The following AATF variants were observed in gnomAD, a reference collection of about 807,000 sequenced individuals.
The protein encoded by AATF is apoptosis antagonizing transcription factor.
A neutral mutation model predicts 63.7 loss-of-function variants in AATF; 48 were observed. The ratio of observed to expected loss-of-function variants is 0.75; its 90% CI spans 0.60 to 0.96. The LOEUF (loss-of-function observed/expected upper bound fraction) is 0.96. Among genes scored for constraint, AATF ranks in the 40% least tolerant of loss-of-function variants. AATF has a pLI of 0.00. For synonymous variants in AATF, 258 were observed against 247.7 expected, an observed-to-expected ratio of 1.04 and a Z score of -0.39; for missense variants, 639 against 685.7, an observed-to-expected ratio of 0.93 and a Z score of 0.76.
At chr17:36,991,248 T>C (rs1459843021) in intron 8 of AATF, among the ~76,000 whole-genome samples, 2 of 152,184 alleles carry the variant, frequency 1.3e-5, no homozygotes, top group East Asian at 3.9e-4. Context: ...ATCCCAGAGT[T>C]CCTGAATTGC....
At chr17:37,044,513 A>G (rs2071672441) in intron 11 of AATF, among the ~76,000 whole-genome samples, 1 of 151,954 alleles carries the variant, frequency 6.6e-6, no homozygotes, top group South Asian at 2.1e-4. Flanking sequence ...AAGACCCTAA[A>G]CTTTGTATAC....
At chr17:37,014,543 A>T (rs993245432) in intron 8 of AATF, among the ~76,000 whole-genome samples, 1 of 152,112 alleles carries the variant, frequency 6.6e-6, no homozygotes, top group African/African-American at 2.4e-5. Flanking sequence ...GGGACATATG[A>T]TCACCTCTTT....
chr17:37,022,272 C>G (rs1461959489), intron 10 of AATF, among the ~76,000 whole-genome samples: 1 of 152,106 alleles, frequency 6.6e-6, no homozygotes, highest in East Asian at 1.9e-4. Context: ...AAACCCACAT[C>G]CTTATTAGAA....
intron 11 of AATF, among the ~76,000 whole-genome samples, chr17:37,048,440 G>A (rs972556096): frequency 7.0e-6 from 1 of 142,884 alleles, no homozygotes; most frequent in South Asian, 2.2e-4. Context: ...GCACAATCTC[G>A]GCTCACTGCA....
intron 11 of AATF, among the ~76,000 whole-genome samples, chr17:37,042,396 C>A (rs1436191919): frequency 6.6e-6 from 1 of 150,904 alleles, no homozygotes; most frequent in Non-Finnish European, 1.5e-5. Flanking sequence ...TTTTTTGAGT[C>A]CAGGTCTTTT....
At chr17:36,998,735 A>G (rs1322790101) in intron 8 of AATF, 1 of 152,192 alleles carries the variant, frequency 6.6e-6, no homozygotes, top group Non-Finnish European at 1.5e-5. Flanking sequence ...GAACAACAAC[A>G]AAAACATTTA....
rs71159679 is a variant in AATF, at chr17:37,022,113, CGTGTGTGTGTGTGTGT to C, written c.1547+1123_1547+1138del. ...CTATACTTTTAGACTTGGTAACTGC[CGTGTGTGTGTGTGTGT>C]GTGTGTGTGTGTGTGTGTGTGTGAG... On this transcript the variant is annotated intron_variant, in intron 10 of 11. Coordinates refer to ENST00000619387, the MANE Select transcript of AATF (RefSeq NM_012138.4). Among the ~76,000 whole-genome samples the C allele has an allele frequency of 1.9e-4, 28 of 145,434 alleles. 1 individual carries two copies. The South Asian group carries it at 4.9e-3, about 25-fold the overall frequency.
intron 4 of AATF, among the ~76,000 whole-genome samples, chr17:36,974,214 T>C (rs897429998): frequency 5.3e-5 from 8 of 152,364 alleles, no homozygotes; most frequent in African/African-American, 1.7e-4. Context: ...TCAGTGGCTA[T>C]GTACTTAGAA....
intron 7 of AATF, among the ~76,000 whole-genome samples, chr17:36,990,353 CAGGAA>C (rs2071204128): frequency 3.9e-5 from 6 of 152,136 alleles, no homozygotes; most frequent in Non-Finnish European, 8.8e-5. Context: ...AACACTGCTA[CAGGAA>C]AGATTCCTGT....
In AATF at chr17:36,971,412, A is replaced by C. The variant is rs533443115; in HGVS notation, c.833-15205A>C. On this transcript the variant is annotated intron_variant, in intron 4 of 11. Transcript: ENST00000619387. ...TAGGCCAAACACAAATACACACCTG[A>C]CAACACCAAGTGCTGGGAAGAATGT... Among the ~76,000 whole-genome samples the C allele has an allele frequency of 3.3e-5, 5 of 152,324 alleles. No homozygotes were observed. In the East Asian group the frequency reaches 9.6e-4, roughly 29 times the overall value.
At chr17:37,037,840 G>A (rs1237802323) in intron 11 of AATF, among the ~76,000 whole-genome samples, 2 of 152,164 alleles carry the variant, frequency 1.3e-5, no homozygotes, top group African/African-American at 2.4e-5. Flanking sequence ...CACCATTCCC[G>A]TGGTGCTGTC....
intron 8 of AATF, among the ~76,000 whole-genome samples, chr17:37,002,399 G>A (rs2071306157): frequency 6.6e-6 from 1 of 151,964 alleles, no homozygotes; most frequent in Non-Finnish European, 1.5e-5. Flanking sequence ...TGGGCATGGT[G>A]CCTCACACCT....
At chr17:36,999,287 CTTCA>C (rs1357204000) in intron 8 of AATF, 6 of 151,922 alleles carry the variant, frequency 3.9e-5, no homozygotes, top group Non-Finnish European at 8.8e-5. Context: ...TTCTTTTTTC[CTTCA>C]TTCATTCAAC....
chr17:37,017,359 C>T (rs2071436402), intron 8 of AATF, among the ~76,000 whole-genome samples: 1 of 152,080 alleles, frequency 6.6e-6, no homozygotes, highest in African/African-American at 2.4e-5. Flanking sequence ...CCCCCTCACT[C>T]CCCCTACTCC....
At position 36,988,532 on chromosome 17, in the gene AATF, A is replaced by G. The variant is rs1367922043; in HGVS notation, c.961A>G (p.Ser321Gly). 6 of 1,613,910 alleles carry G rather than the reference A, an allele frequency of 3.7e-6. No homozygotes were observed. In the African/African-American group the frequency reaches 5.3e-5, roughly 14 times the overall value. The change falls in exon 6 of 12, where the codon AGT becomes GGT. Residue 321 changes from serine (S) to glycine (G), a missense_variant. Coordinates refer to ENST00000619387, the MANE Select transcript of AATF (RefSeq NM_012138.4). ...KPNAGSEEIS[S>G]EDDELVEEKK... ...CTGCTTTTCTAGTGAGGAGATTTCT[A>G]GTGAAGATGATGAGCTGGTAGAAGA... is the stretch of plus-strand genomic sequence containing the variant.
intron 10 of AATF, among the ~76,000 whole-genome samples, chr17:37,026,349 C>G (rs2071511044): frequency 6.6e-6 from 1 of 152,204 alleles, no homozygotes; most frequent in African/African-American, 2.4e-5. Context: ...ACTCACCTGG[C>G]TCATCTTGAG....
chr17:37,000,947 G>A lies in AATF; in HGVS notation c.1398+10090G>A, dbSNP rs34723759. ...AGCCTGGCTAACAGAAGGAAACTCT[G>A]TCTCTTACCCACCTCCCACAAAAAA... is the stretch of plus-strand genomic sequence containing the variant. On this transcript the variant is annotated intron_variant, in intron 8 of 11. Transcript: ENST00000619387. 4.4e-3 allele frequency among the ~76,000 whole-genome samples: 668 copies of A among 151,870 alleles called. 6 individuals are homozygous for A. Among genetic ancestry groups the A allele is most frequent in the African/African-American group, 0.015 (608 of 41,396 alleles).
chr17:36,997,225 C>T (rs746746740), intron 8 of AATF, among the ~76,000 whole-genome samples: 7 of 152,120 alleles, frequency 4.6e-5, no homozygotes, highest in Non-Finnish European at 8.8e-5. Context: ...TAATGTGTTG[C>T]TCCTTTAAAA....
At chr17:36,959,245 A>G (rs2070926833) in intron 4 of AATF, among the ~76,000 whole-genome samples, 1 of 152,198 alleles carries the variant, frequency 6.6e-6, no homozygotes. Context: ...GGAGTTCAAG[A>G]CCAGCCTGGC....
Sources: gnomAD v4.1 joint callset for allele counts (sites outside exome capture counted in the v4.1 genomes callset) on GRCh38, gnomAD v4.1.1 for gene constraint, MANE v1.5 for transcripts, NCBI Gene and HGNC (gene_info 2026-07-23, HGNC 2026-07-21) for gene names.